GABRB1: variants seen among roughly 807,000 people sequenced by gnomAD.
The protein encoded by GABRB1 is gamma-aminobutyric acid receptor subunit beta-1.
GABRB1 carries 17 observed loss-of-function variants against 51.6 expected under a neutral mutation model. The ratio of observed to expected loss-of-function variants is 0.33; its 90% CI spans 0.23 to 0.49. GABRB1 has a LOEUF of 0.49. Among genes scored for constraint, GABRB1 ranks in the 20% least tolerant of loss-of-function variants. The pLI is 0.99. For missense variants in GABRB1, 410 were observed against 600.6 expected (o/e 0.68, Z 3.32); for synonymous variants, 247 against 218.9 (o/e 1.13, Z -1.14).
Position 47,320,117 on chromosome 4 carries a change from T to A in GABRB1, c.462-10T>A. On this transcript the variant is annotated splice_polypyrimidine_tract_variant and intron_variant, in intron 4 of 8. Transcript: ENST00000295454. ...GTAATGTTTTCTTTTTTCTCTCTCCTCTCTATCAGAATCACAACCACAGCT... is the reference window on the plus strand; with the variant it reads ...GTAATGTTTTCTTTTTTCTCTCTCCACTCTATCAGAATCACAACCACAGCT... The A allele has an allele frequency of 1.3e-6, 2 of 1,555,844 alleles. No individual in the cohort carries two copies. The highest frequency in any genetic ancestry group is 2.2e-5 in the South Asian group (2 of 89,956).
At chr4:47,032,729 G>C in intron 3 of GABRB1, 1 of 697,050 alleles carries the variant, frequency 1.4e-6, no homozygotes, top group Non-Finnish European at 2.7e-6. Context: ...ACGAGTGACT[G>C]TTGCGCCGTG....
chr4:47,091,529 A>C (rs1428753923), intron 3 of GABRB1, among the ~76,000 whole-genome samples: 2 of 152,156 alleles, frequency 1.3e-5, no homozygotes, highest in African/African-American at 4.8e-5. Context: ...CCCTGCAAGC[A>C]ACCCCTTGGC....
At chr4:47,326,348 C>T (rs1451355766) in intron 5 of GABRB1, among the ~76,000 whole-genome samples, 3 of 152,140 alleles carry the variant, frequency 2.0e-5, no homozygotes, top group Non-Finnish European at 4.4e-5. Context: ...ATTGTATCAT[C>T]TCACATTACA....
chr4:47,254,442 T>A (rs1307181414), intron 4 of GABRB1, among the ~76,000 whole-genome samples: 2 of 127,368 alleles, frequency 1.6e-5, no homozygotes, highest in Non-Finnish European at 3.1e-5. Flanking sequence ...TGGCGCTCAC[T>A]GCAAGCTCCG....
At chr4:47,262,862 C>G (rs1722495978) in intron 4 of GABRB1, among the ~76,000 whole-genome samples, 1 of 151,860 alleles carries the variant, frequency 6.6e-6, no homozygotes, top group African/African-American at 2.4e-5. Flanking sequence ...ACTATGCAGC[C>G]ATAAAAAATG....
chr4:47,242,427 G>C (rs1721559936), intron 4 of GABRB1, among the ~76,000 whole-genome samples: 1 of 152,202 alleles, frequency 6.6e-6, no homozygotes, highest in South Asian at 2.1e-4. Flanking sequence ...GGGTCAAATG[G>C]TATTTCTAGT....
At chr4:47,317,527 T>A (rs1274715753) in intron 4 of GABRB1, among the ~76,000 whole-genome samples, 1 of 151,996 alleles carries the variant, frequency 6.6e-6, no homozygotes, top group African/African-American at 2.4e-5. Context: ...AATTAACCCA[T>A]ATGATCATAG....
intron 5 of GABRB1, among the ~76,000 whole-genome samples, chr4:47,360,272 T>C (rs1726754731): frequency 6.6e-6 from 1 of 152,080 alleles, no homozygotes; most frequent in African/African-American, 2.4e-5. Context: ...GTAGGAAACA[T>C]CATTTTTAGG....
At chr4:47,381,771 C>T (rs1727606244) in intron 5 of GABRB1, among the ~76,000 whole-genome samples, 1 of 152,190 alleles carries the variant, frequency 6.6e-6, no homozygotes, top group Non-Finnish European at 1.5e-5. Flanking sequence ...CTTCCCTGCC[C>T]TGAAGTGCCT....
intron 4 of GABRB1, among the ~76,000 whole-genome samples, chr4:47,235,392 T>C (rs924675032): frequency 1.3e-5 from 2 of 152,008 alleles, no homozygotes; most frequent in African/African-American, 4.8e-5. Flanking sequence ...CTACTAAAAA[T>C]ACAAAAATTA....
chr4:47,134,876 G>A (rs1223665714), intron 3 of GABRB1, among the ~76,000 whole-genome samples: 1 of 152,212 alleles, frequency 6.6e-6, no homozygotes, highest in African/African-American at 2.4e-5. Context: ...CAGCACTTTG[G>A]GAGGCTGAGG....
At chr4:47,112,845 G>A (rs560120260) in intron 3 of GABRB1, among the ~76,000 whole-genome samples, 2 of 152,130 alleles carry the variant, frequency 1.3e-5, no homozygotes, top group South Asian at 2.1e-4. Flanking sequence ...ATACTTGCCT[G>A]TGAAATTATA....
chr4:47,032,572 T>C, intron 3 of GABRB1, 88 bp downstream of exon 3: 1 of 1,306,994 alleles, frequency 7.7e-7, no homozygotes, highest in Non-Finnish European at 1.1e-6. Context: ...TCATTGGCGG[T>C]CACCTCGCCC....
At chr4:47,314,502 G>A (rs528231190) in intron 4 of GABRB1, among the ~76,000 whole-genome samples, 2 of 152,056 alleles carry the variant, frequency 1.3e-5, no homozygotes, top group East Asian at 3.9e-4. Flanking sequence ...CATTTTTTCT[G>A]AAAATGGACT....
intron 5 of GABRB1, among the ~76,000 whole-genome samples, chr4:47,392,414 C>T (rs1728031391): frequency 6.7e-6 from 1 of 149,562 alleles, no homozygotes; most frequent in Admixed American, 6.7e-5. Context: ...ACAATCTCGG[C>T]TCACTGCAAC....
At chr4:47,320,987 C>T (rs1725063492) in intron 5 of GABRB1, among the ~76,000 whole-genome samples, 1 of 151,978 alleles carries the variant, frequency 6.6e-6, no homozygotes, top group African/African-American at 2.4e-5. Flanking sequence ...GCCAGGATGG[C>T]GCTTTCTTAA....
intron 1 of GABRB1, among the ~76,000 whole-genome samples, chr4:47,004,954 A>AT (rs1724341781): frequency 6.6e-6 from 1 of 152,212 alleles, no homozygotes; most frequent in Non-Finnish European, 1.5e-5. Flanking sequence ...TAAGGCATAT[A>AT]TAGAAACAGT....
intron 4 of GABRB1, among the ~76,000 whole-genome samples, chr4:47,221,046 G>A (rs1023109656): frequency 2.0e-5 from 3 of 151,892 alleles, no homozygotes; most frequent in Non-Finnish European, 4.4e-5. Flanking sequence ...CCTCCTAAAT[G>A]TCCCAAACTT....
chr4:47,010,985 G>T (rs924340397), intron 1 of GABRB1, among the ~76,000 whole-genome samples: 1 of 152,022 alleles, frequency 6.6e-6, no homozygotes, highest in South Asian at 2.1e-4. Context: ...GCCACTGACA[G>T]AGAGTCCTTC....
Sources: allele counts gnomAD v4.1 joint callset (sites outside exome capture counted in the v4.1 genomes callset), GRCh38; gene constraint gnomAD v4.1.1; transcripts MANE v1.5; gene names NCBI Gene and HGNC (gene_info 2026-07-23, HGNC 2026-07-21).